MTHFSD: variants seen among roughly 807,000 people sequenced by gnomAD.
MTHFSD encodes the protein methenyltetrahydrofolate synthase domain-containing protein.
A neutral mutation model predicts 31.1 loss-of-function variants in MTHFSD; 37 were observed. That is an observed-to-expected ratio of 1.19 (90% CI 0.91 to 1.56). The LOEUF (loss-of-function observed/expected upper bound fraction) is 1.56, where lower values mean the gene tolerates loss of function less well. Among genes scored for constraint, MTHFSD ranks in the 40% most tolerant of loss-of-function variants. The pLI is 0.00. For missense variants in MTHFSD, 664 were observed against 510.1 expected, an observed-to-expected ratio of 1.30 and a Z score of -2.91; for synonymous variants, 221 against 206.9, an observed-to-expected ratio of 1.07 and a Z score of -0.59.
chr16:86,548,148 A>G (rs970957167), intron 4 of MTHFSD: 74 of 1,297,704 alleles, frequency 5.7e-5, no homozygotes, highest in Non-Finnish European at 7.4e-5. Flanking sequence ...AAGCTCCACA[A>G]TACTGAACAT....
Position 86,552,091 on chromosome 16 carries a change from T to G in MTHFSD, c.179A>C (p.Gln60Pro), listed in dbSNP as rs572877327. Reference sequence around the variant, plus strand: ...TTTATCAGGGTCCACTTTAACTTCCTGTGTTCTGGCAAAAACGTCTAGGTC... The same window carrying G: ...TTTATCAGGGTCCACTTTAACTTCCGGTGTTCTGGCAAAAACGTCTAGGTC... ...IKDLDVFARTQEVKVDPDKPL... is the reference protein window; with the variant it reads ...IKDLDVFARTPEVKVDPDKPL... Residue 60 changes from glutamine to proline, a missense_variant, in exon 3 of 8, where the codon CAG (glutamine) becomes CCG (proline). By Grantham distance (76) the Gln-to-Pro change is moderately conservative. Transcript: ENST00000360900. The G allele has an allele frequency of 2.2e-5, 36 of 1,614,210 alleles. No homozygotes were observed. In the South Asian group the frequency reaches 3.8e-4, roughly 17 times the overall value.
chr16:86,541,294 A>AG, intron 7 of MTHFSD: 2 of 1,042,548 alleles, frequency 1.9e-6, no homozygotes, highest in Non-Finnish European at 2.5e-6. Context: ...TCGTCAGTAA[A>AG]AAAAAAAAAA....
At position 86,548,544 on chromosome 16, in the gene MTHFSD, G is replaced by A. The variant is rs369348351; in HGVS notation, c.271C>T (p.Leu91=). The part of the protein sequence containing the change: ...KKTLLVPTPR[L]RTGLFNKITP... Reference sequence around the variant, plus strand: ...ATCTTATTAAACAATCCCGTTCTCAGTCGTGGTGTTGGAACCAACAATGTT... The same window carrying A: ...ATCTTATTAAACAATCCCGTTCTCAATCGTGGTGTTGGAACCAACAATGTT... Residue 91 remains leucine (L), a synonymous_variant, in exon 4 of 8, where the codon CTG becomes TTG. Transcript: ENST00000360900. 2 of 1,612,874 alleles carry A rather than the reference G, an allele frequency of 1.2e-6. No homozygotes were observed. Among genetic ancestry groups the A allele is most frequent in the Non-Finnish European group, 1.7e-6 (2 of 1,179,744 alleles).
At chr16:86,550,371 T>A (rs567124549) in intron 3 of MTHFSD, among the ~76,000 whole-genome samples, 1 of 152,236 alleles carries the variant, frequency 6.6e-6, no homozygotes, top group Non-Finnish European at 1.5e-5. Flanking sequence ...AGGGATTTGC[T>A]CAGGGCTGCA....
chr16:86,546,296 C>G (rs759671075), intron 5 of MTHFSD, among the ~76,000 whole-genome samples: 1 of 152,196 alleles, frequency 6.6e-6, no homozygotes, highest in Non-Finnish European at 1.5e-5. Flanking sequence ...GAGAGAAAAC[C>G]TTTCACCACC....
At chr16:86,536,564 G>A (rs539226825) in intron 7 of MTHFSD, among the ~76,000 whole-genome samples, 14 of 152,348 alleles carry the variant, frequency 9.2e-5, no homozygotes, top group Non-Finnish European at 1.8e-4. Context: ...CCCAACAGGG[G>A]GCCTGACCAC....
chr16:86,537,702 T>C (rs1970905270), intron 7 of MTHFSD, among the ~76,000 whole-genome samples: 1 of 152,234 alleles, frequency 6.6e-6, no homozygotes, highest in South Asian at 2.1e-4. Flanking sequence ...GGAGCCCTGT[T>C]CTCAAATCCT....
chr16:86,546,444 T>G (rs1228492833), intron 5 of MTHFSD, 115 bp downstream of exon 5: 20 of 888,318 alleles, frequency 2.3e-5, no homozygotes, highest in Non-Finnish European at 3.0e-5. Context: ...GGAGACCAGG[T>G]AAGCGCATCC....
At chr16:86,554,552 C>G in intron 2 of MTHFSD, 93 bp downstream of exon 2, 1 of 994,238 alleles carries the variant, frequency 1.0e-6, no homozygotes, top group Non-Finnish European at 1.6e-6. Flanking sequence ...ACATTCTCAT[C>G]CACCATGACG....
rs568486979 is a variant in MTHFSD at position 86,541,729 on chromosome 16, G to T, written c.649C>A (p.Arg217Ser). The change falls in exon 7 of 8, where the codon CGC (arginine) becomes AGC (serine). Residue 217 changes from arginine (R) to serine (S), a missense_variant. By Grantham distance (110) the Arg-to-Ser change is moderately radical. Transcript: ENST00000360900. ...PTRVIATGCK[R>S]PKPMGITWFK... ...CAGGTGATTCCCATTGGCTTTGGGCGCTTGCAGCCTGTGGCGATGACTCTG... is the reference window on the plus strand; with the variant it reads ...CAGGTGATTCCCATTGGCTTTGGGCTCTTGCAGCCTGTGGCGATGACTCTG... 6.2e-7 allele frequency: 1 copy of T among 1,613,946 alleles called. No homozygotes were observed. The highest frequency in any genetic ancestry group is 8.5e-7 in the Non-Finnish European group (1 of 1,179,958).
Position 86,542,472 on chromosome 16 carries a change from A to G in MTHFSD, c.443-259T>C, listed in dbSNP as rs941252538. Reference sequence around the variant, plus strand: ...GACGTGAACACTGGACCGTTCAAGCATGTCACAAAGGGAAACAGATCACAC... The same window carrying G: ...GACGTGAACACTGGACCGTTCAAGCGTGTCACAAAGGGAAACAGATCACAC... On this transcript the variant is annotated intron_variant, in intron 5 of 7. Coordinates refer to ENST00000360900, the MANE Select transcript of MTHFSD (RefSeq NM_001159377.2). The surrounding 1 kb of genome is among the most constrained non-coding windows in gnomAD (Gnocchi z 4.6). 19 of 439,568 alleles carry G rather than the reference A, an allele frequency of 4.3e-5. No individual in the cohort carries two copies. Among genetic ancestry groups the G allele is most frequent in the African/African-American group, 3.6e-4 (18 of 49,614 alleles). 27.2% of individuals were successfully genotyped at this position (439,568 alleles called of 1,614,324 possible).
intron 5 of MTHFSD, among the ~76,000 whole-genome samples, chr16:86,543,870 C>T (rs1483512546): frequency 6.6e-6 from 1 of 152,158 alleles, no homozygotes; most frequent in Non-Finnish European, 1.5e-5. Context: ...GTCTGAGCTC[C>T]GCCTCCTGTC....
chr16:86,549,637 C>T (rs1435398244), intron 3 of MTHFSD, among the ~76,000 whole-genome samples: 1 of 152,206 alleles, frequency 6.6e-6, no homozygotes, highest in Non-Finnish European at 1.5e-5. Context: ...GGATCTCAGC[C>T]TTTAGTGTGC....
At chr16:86,549,424 C>T (rs1291632459) in intron 3 of MTHFSD, among the ~76,000 whole-genome samples, 1 of 152,170 alleles carries the variant, frequency 6.6e-6, no homozygotes, top group African/African-American at 2.4e-5. Context: ...AATAAAAGAC[C>T]CATGACATCT....
rs375465577 is a variant in MTHFSD, at chr16:86,542,239, C to A, written c.443-26G>T. The A allele has an allele frequency of 1.0e-5, 16 of 1,589,372 alleles. No individual in the cohort carries two copies. Among genetic ancestry groups the A allele is most frequent in the African/African-American group, 1.3e-5 (1 of 74,472 alleles). Reference sequence around the variant, plus strand: ...CTAAGAGACAACCGAGAATCAGTATCGCTGTGCGGTCCGGGGCATCGCTGA... The same window carrying A: ...CTAAGAGACAACCGAGAATCAGTATAGCTGTGCGGTCCGGGGCATCGCTGA... On this transcript the variant is annotated intron_variant, in intron 5 of 7. Coordinates refer to ENST00000360900, the MANE Select transcript of MTHFSD (RefSeq NM_001159377.2). This position sits in a 1 kb window ranked among gnomAD's most constrained non-coding sequence, Gnocchi z 4.6.
At chr16:86,540,052 G>T (rs1971280243) in intron 7 of MTHFSD, among the ~76,000 whole-genome samples, 1 of 152,038 alleles carries the variant, frequency 6.6e-6, no homozygotes, top group African/African-American at 2.4e-5. Flanking sequence ...CTCTTTAATG[G>T]AATTTAGAGA....
In MTHFSD at chr16:86,532,066, C is replaced by A. The variant is rs372334535; in HGVS notation, c.1097G>T (p.Arg366Leu). ...QQAVSCLQGL[R>L]LGTDTLRVAL... is the part of the protein sequence containing the mutation. ...CACCCTCAGGGTGTCGGTGCCCAGG[C>A]GCAGGCCCTGCAAGCAGGAGACGGC... is the stretch of plus-strand genomic sequence containing the variant. Residue 366 changes from arginine (R) to leucine (L), a missense_variant, in exon 8 of 8, where the codon CGC becomes CTC. Arg to Leu is a moderately radical substitution (Grantham distance 102). Coordinates refer to ENST00000360900, the MANE Select transcript of MTHFSD (RefSeq NM_001159377.2). 53 of 1,521,582 alleles carry A rather than the reference C, an allele frequency of 3.5e-5. No homozygotes were observed. The African/African-American group carries it at 7.1e-4, about 20-fold the overall frequency. 94.3% of individuals were successfully genotyped at this position (1,521,582 alleles called of 1,614,324 possible).
chr16:86,540,826 C>CT, intron 7 of MTHFSD: 1 of 1,037,788 alleles, frequency 9.6e-7, no homozygotes, highest in Non-Finnish European at 1.2e-6. Flanking sequence ...GCTGTTCCCT[C>CT]TGCGTTCATC....
intron 7 of MTHFSD, chr16:86,535,390 C>T (rs1970551989): frequency 5.1e-6 from 5 of 985,318 alleles, no homozygotes; most frequent in Non-Finnish European, 6.0e-6. Flanking sequence ...ATCCCTGCCA[C>T]AGCTGACAAG....
Sources: allele counts gnomAD v4.1 joint callset (sites outside exome capture counted in the v4.1 genomes callset), GRCh38; gene constraint gnomAD v4.1.1; non-coding constraint Gnocchi (gnomAD v3.1); transcripts MANE v1.5; gene names NCBI Gene and HGNC (gene_info 2026-07-23, HGNC 2026-07-21).